Variants in CDKL3 observed in about 807,000 individuals in gnomAD.
CDKL3 encodes the protein cyclin dependent kinase like 3.
CDKL3 carries 65 observed loss-of-function variants against 69.3 expected under a neutral mutation model. That is an observed-to-expected ratio of 0.94 (90% CI 0.77 to 1.15). The LOEUF (loss-of-function observed/expected upper bound fraction) is 1.15, where lower values mean the gene tolerates loss of function less well. Ranked by LOEUF, CDKL3 falls within the 50% of genes most tolerant of loss-of-function variation. CDKL3 has a pLI of 0.00. For missense variants in CDKL3, 652 were observed against 689.2 expected (o/e 0.95, Z 0.61); for synonymous variants, 202 against 221.6 (o/e 0.91, Z 0.79).
At chr5:134,369,541 C>G (rs1581304539), upstream of CDKL3, among the ~76,000 whole-genome samples, 1 of 152,304 alleles carries the variant, frequency 6.6e-6, no homozygotes, top group East Asian at 1.9e-4. Flanking sequence ...ACCCTGAATT[C>G]TGTCTCTGCT....
chr5:134,347,697 T>TAAAA (rs1175296441), intron 4 of CDKL3, among the ~76,000 whole-genome samples: 97 of 52,682 alleles, frequency 1.8e-3, no homozygotes, highest in Non-Finnish European at 2.2e-3. Flanking sequence ...CCATCTCTGC[T>TAAAA]AAAAAAAAAA....
At chr5:134,320,514 G>T (rs1772437806) in intron 5 of CDKL3, among the ~76,000 whole-genome samples, 1 of 151,990 alleles carries the variant, frequency 6.6e-6, no homozygotes, top group African/African-American at 2.4e-5. Flanking sequence ...GGAAGTCAAG[G>T]CTACAGTGAG....
intron 2 of CDKL3, among the ~76,000 whole-genome samples, chr5:134,364,105 ATCG>A (rs1266894304): frequency 6.6e-6 from 1 of 152,194 alleles, no homozygotes; most frequent in African/African-American, 2.4e-5. Flanking sequence ...GCTATACTAT[ATCG>A]TCAAGATCAT....
At chr5:134,286,860 A>T (rs1764892318) in intron 8 of CDKL3, among the ~76,000 whole-genome samples, 1 of 152,236 alleles carries the variant, frequency 6.6e-6, no homozygotes, top group Non-Finnish European at 1.5e-5. Context: ...GTGTGGGGAC[A>T]CAGCCAAACC....
At chr5:134,317,199 G>A (rs181124905) in intron 6 of CDKL3, among the ~76,000 whole-genome samples, 16 of 152,142 alleles carry the variant, frequency 1.1e-4, no homozygotes, top group South Asian at 4.2e-4. Flanking sequence ...GCAGTGGTGC[G>A]ATCTCAGCTC....
At chr5:134,368,871 C>A (rs1010760418), upstream of CDKL3, among the ~76,000 whole-genome samples, 28 of 151,860 alleles carry the variant, frequency 1.8e-4, no homozygotes, top group African/African-American at 6.5e-4. Context: ...AACTCCATCT[C>A]TACAAAAAAT....
intron 4 of CDKL3, among the ~76,000 whole-genome samples, chr5:134,337,298 C>G (rs1449982982): frequency 6.6e-6 from 1 of 152,156 alleles, no homozygotes. Context: ...TCCCTGACCC[C>G]TTGCACTTCC....
chr5:134,362,996 A>AT (rs1182723564), intron 2 of CDKL3, among the ~76,000 whole-genome samples: 2 of 152,210 alleles, frequency 1.3e-5, no homozygotes, highest in Non-Finnish European at 2.9e-5. Flanking sequence ...AATTATCTGC[A>AT]TAACAGTTGT....
chr5:134,323,372 T>C (rs569104866), intron 4 of CDKL3, among the ~76,000 whole-genome samples: 2 of 152,204 alleles, frequency 1.3e-5, no homozygotes, highest in Non-Finnish European at 2.9e-5. Context: ...TTTGTAGATA[T>C]TGACAATTGA....
chr5:134,296,749 A>G (rs1765369248), downstream of CDKL3, among the ~76,000 whole-genome samples: 1 of 151,332 alleles, frequency 6.6e-6, no homozygotes, highest in African/African-American at 2.4e-5. Flanking sequence ...GGAGTTCAAG[A>G]CCAGCCTGGG....
intron 4 of CDKL3, among the ~76,000 whole-genome samples, chr5:134,335,033 C>T (rs1776717534): frequency 6.6e-6 from 1 of 151,836 alleles, no homozygotes; most frequent in Non-Finnish European, 1.5e-5. Context: ...ATAGTTAGCT[C>T]TTCTTGTTGA....
exon 9 of CDKL3, chr5:134,286,502 C>G (rs1764871296): frequency 5.4e-6 from 1 of 183,838 alleles, no homozygotes; most frequent in Non-Finnish European, 1.1e-5. Context: ...CAATGCCCCA[C>G]TCTACTGGTA....
chr5:134,292,977 G>T (rs1168880842), intron 8 of CDKL3, among the ~76,000 whole-genome samples: 1 of 145,380 alleles, frequency 6.9e-6, no homozygotes, highest in Non-Finnish European at 1.5e-5. Context: ...AAAACTCCAG[G>T]CCCTGTTGGC....
At chr5:134,360,177 A>T (rs1428346820) in intron 2 of CDKL3, 86 bp from the exon 3 acceptor site, 1 of 902,732 alleles carries the variant, frequency 1.1e-6, no homozygotes, top group African/African-American at 1.7e-5. Flanking sequence ...GTAAAGAAAC[A>T]GTCATATTCT....
chr5:134,308,945 T>C (rs1252766088), intron 7 of CDKL3, among the ~76,000 whole-genome samples: 6 of 152,238 alleles, frequency 3.9e-5, no homozygotes, highest in East Asian at 3.8e-4. Context: ...GAACCTACTA[T>C]ATAAAACTTT....
At chr5:134,363,107 A>G (rs183581019) in intron 2 of CDKL3, among the ~76,000 whole-genome samples, 7 of 152,358 alleles carry the variant, frequency 4.6e-5, no homozygotes, top group African/African-American at 1.4e-4. Context: ...TAAGTGCAAC[A>G]GTTGAAGAAA....
intron 2 of CDKL3, among the ~76,000 whole-genome samples, chr5:134,362,825 G>C (rs1450529207): frequency 6.6e-6 from 1 of 152,104 alleles, no homozygotes; most frequent in Non-Finnish European, 1.5e-5. Context: ...GCTACTTGGA[G>C]GCTGAGGCAT....
chr5:134,303,670 C>CA (rs1358318641), intron 11 of CDKL3, among the ~76,000 whole-genome samples: 1 of 105,006 alleles, frequency 9.5e-6, no homozygotes, highest in Non-Finnish European at 1.8e-5. Context: ...ATGGTGGAAC[C>CA]CCCCCCCCGT....
intron 6 of CDKL3, among the ~76,000 whole-genome samples, chr5:134,312,583 T>A (rs58986147): frequency 0.16 from 23,622 of 152,266 alleles, 2,363 homozygotes; most frequent in African/African-American, 0.28. Context: ...CAAAACATTA[T>A]TATAGGTTAA....
Sources: allele counts gnomAD v4.1 joint callset (sites outside exome capture counted in the v4.1 genomes callset), GRCh38; gene constraint gnomAD v4.1.1; transcripts MANE v1.5; gene names NCBI Gene and HGNC (gene_info 2026-07-23, HGNC 2026-07-21).